Variants in TMEM163 observed in about 807,000 individuals in gnomAD.
TMEM163 encodes the protein transmembrane protein 163.
Under a neutral mutation model 29.3 loss-of-function variants are expected in TMEM163, and 17 were observed. That is an observed-to-expected ratio of 0.58 (90% CI 0.40 to 0.87). The LOEUF (loss-of-function observed/expected upper bound fraction) is 0.87, where lower values mean the gene tolerates loss of function less well. Among genes scored for constraint, TMEM163 ranks in the 40% least tolerant of loss-of-function variants. The pLI, the probability that TMEM163 is intolerant of heterozygous loss-of-function variation, is 0.00. For synonymous variants in TMEM163, 157 were observed against 160.6 expected, an observed-to-expected ratio of 0.98 and a Z score of 0.17; for missense variants, 303 against 381.5, an observed-to-expected ratio of 0.79 and a Z score of 1.71.
At chr2:134,501,699 C>A (rs764138848) in intron 5 of TMEM163, among the ~76,000 whole-genome samples, 12 of 152,158 alleles carry the variant, frequency 7.9e-5, no homozygotes, top group Non-Finnish European at 1.8e-4. Flanking sequence ...GTCCCATATG[C>A]CAGGCAACCA....
intron 2 of TMEM163, among the ~76,000 whole-genome samples, chr2:134,554,078 G>A (rs1446521088): frequency 6.6e-6 from 1 of 152,110 alleles, no homozygotes; most frequent in Admixed American, 6.5e-5. Context: ...TATCAGCAGT[G>A]GAAACCTTTT....
At position 134,579,761 on chromosome 2, in the gene TMEM163, C is replaced by T. The variant is rs536725391; in HGVS notation, c.323-27670G>A. 2.4e-4 allele frequency among the ~76,000 whole-genome samples: 36 copies of T among 152,238 alleles called. No individual in the cohort carries two copies. In the East Asian group the frequency reaches 4.2e-3, roughly 18 times the overall value. The stretch of plus-strand genomic sequence containing the variant: ...TTTAATGTTTCCAAACCTCAGTTAT[C>T]TCATCTGAAAAGTGAAATACTCACA... On this transcript the variant is annotated intron_variant, in intron 2 of 7. Coordinates refer to ENST00000281924, the MANE Select transcript of TMEM163 (RefSeq NM_030923.5).
At chr2:134,514,854 G>T (rs181786234) in intron 4 of TMEM163, among the ~76,000 whole-genome samples, 1 of 152,264 alleles carries the variant, frequency 6.6e-6, no homozygotes, top group East Asian at 1.9e-4. Flanking sequence ...TGCACAATTG[G>T]TTTGGCCTCA....
At chr2:134,707,031 G>A (rs1350379194) in intron 2 of TMEM163, among the ~76,000 whole-genome samples, 3 of 152,166 alleles carry the variant, frequency 2.0e-5, no homozygotes, top group East Asian at 1.9e-4. Context: ...AGCAGCCTCC[G>A]GGTTTATCGT....
intron 2 of TMEM163, among the ~76,000 whole-genome samples, chr2:134,609,949 C>T (rs572537424): frequency 4.6e-5 from 7 of 151,618 alleles, no homozygotes; most frequent in East Asian, 2.0e-4. Context: ...AAAGGTTTTA[C>T]GAGGCCTACA....
chr2:134,507,085 C>T (rs1679841083), intron 4 of TMEM163, among the ~76,000 whole-genome samples: 1 of 152,118 alleles, frequency 6.6e-6, no homozygotes, highest in South Asian at 2.1e-4. Context: ...GCCTGTAATC[C>T]CAGGACTTTG....
intron 6 of TMEM163, among the ~76,000 whole-genome samples, chr2:134,465,525 T>C (rs1397848538): frequency 1.3e-5 from 2 of 152,204 alleles, no homozygotes; most frequent in Admixed American, 6.5e-5. Flanking sequence ...GCCTGAAACG[T>C]ACTTTTCCTG....
At position 134,680,617 on chromosome 2, in the gene TMEM163, G is replaced by T. The variant is rs577732028; in HGVS notation, c.322+32583C>A. On this transcript the variant is annotated intron_variant, in intron 2 of 7. Transcript: ENST00000281924. Reference sequence around the variant, plus strand: ...ATTATGGACCACATTAATGCGCAAGGTTCTCTCAGTTCTTCTGACAGCTAC... The same window carrying T: ...ATTATGGACCACATTAATGCGCAAGTTTCTCTCAGTTCTTCTGACAGCTAC... Among the ~76,000 whole-genome samples the T allele has an allele frequency of 2.6e-5, 4 of 152,306 alleles. No homozygotes were observed. The South Asian group carries it at 6.2e-4, about 24-fold the overall frequency.
intron 2 of TMEM163, among the ~76,000 whole-genome samples, chr2:134,669,618 G>C (rs1377944393): frequency 6.6e-6 from 1 of 152,194 alleles, no homozygotes; most frequent in African/African-American, 2.4e-5. Context: ...CTGACAGTGG[G>C]TCTGGTTTCC....
chr2:134,540,159 A>G (rs1459678480), intron 4 of TMEM163, among the ~76,000 whole-genome samples: 2 of 152,172 alleles, frequency 1.3e-5, no homozygotes, highest in Admixed American at 1.3e-4. Flanking sequence ...CTTTTGGCAA[A>G]TGCTTCCTGG....
At chr2:134,486,260 C>T (rs980614217) in intron 5 of TMEM163, among the ~76,000 whole-genome samples, 4 of 152,066 alleles carry the variant, frequency 2.6e-5, no homozygotes, top group Admixed American at 2.0e-4. Context: ...AAAAGATAAA[C>T]AAACTTAAAG....
chr2:134,575,878 A>G (rs1227814577), intron 2 of TMEM163, among the ~76,000 whole-genome samples: 2 of 152,122 alleles, frequency 1.3e-5, no homozygotes, highest in African/African-American at 4.8e-5. Context: ...TCCAAAAAGG[A>G]CAGGCCCCAG....
chr2:134,473,757 C>T (rs997482915), intron 5 of TMEM163, among the ~76,000 whole-genome samples: 1 of 152,072 alleles, frequency 6.6e-6, no homozygotes, highest in Non-Finnish European at 1.5e-5. Flanking sequence ...GGAGATATAA[C>T]CAACTTGATG....
At chr2:134,598,874 T>A in intron 2 of TMEM163, among the ~76,000 whole-genome samples, 1 of 146,956 alleles carries the variant, frequency 6.8e-6, no homozygotes, top group East Asian at 2.0e-4. Flanking sequence ...TGAGCCTAGA[T>A]AGTGCCACTA....
chr2:134,474,279 C>G (rs1324609317), intron 5 of TMEM163, among the ~76,000 whole-genome samples: 2 of 152,152 alleles, frequency 1.3e-5, no homozygotes, highest in Non-Finnish European at 2.9e-5. Flanking sequence ...TCAATAGATG[C>G]AGAAAAAGCA....
chr2:134,509,661 A>T (rs1309917439), intron 4 of TMEM163, among the ~76,000 whole-genome samples: 1 of 152,246 alleles, frequency 6.6e-6, no homozygotes, highest in Non-Finnish European at 1.5e-5. Context: ...AACAAAATCT[A>T]TACCCAGCCT....
At chr2:134,480,846 C>G (rs1433508186) in intron 5 of TMEM163, among the ~76,000 whole-genome samples, 1 of 152,080 alleles carries the variant, frequency 6.6e-6, no homozygotes, top group Non-Finnish European at 1.5e-5. Context: ...TTATTATATA[C>G]TTTTTTATTG....
chr2:134,553,584 G>A (rs531014970), intron 2 of TMEM163, among the ~76,000 whole-genome samples: 6 of 152,304 alleles, frequency 3.9e-5, no homozygotes, highest in African/African-American at 9.6e-5. Context: ...GTGTCCGAGC[G>A]TTTCCAGACC....
chr2:134,521,016 T>TTTG (rs1553476781), intron 4 of TMEM163, among the ~76,000 whole-genome samples: 5 of 151,396 alleles, frequency 3.3e-5, no homozygotes, highest in East Asian at 2.0e-4. Flanking sequence ...TTTTTTTTTT[T>TTTG]GAGAGGCAGC....
Sources: allele counts gnomAD v4.1 joint callset (sites outside exome capture counted in the v4.1 genomes callset), GRCh38; gene constraint gnomAD v4.1.1; transcripts MANE v1.5; gene names NCBI Gene and HGNC (gene_info 2026-07-23, HGNC 2026-07-21).